LMNB1: variants seen among roughly 807,000 people sequenced by gnomAD.
The protein encoded by LMNB1 is lamin-B1.
Under a neutral mutation model 67.1 loss-of-function variants are expected in LMNB1, and 23 were observed. The observed-to-expected ratio is 0.34, with a 90% CI of 0.25 to 0.49. The LOEUF (loss-of-function observed/expected upper bound fraction) is 0.49, where lower values mean the gene tolerates loss of function less well. Ranked by LOEUF, LMNB1 falls within the 20% of genes least tolerant of loss-of-function variation. The pLI is 0.99. For missense variants in LMNB1, 634 were observed against 746.5 expected, an observed-to-expected ratio of 0.85 and a Z score of 1.76; for synonymous variants, 281 against 282.9, an observed-to-expected ratio of 0.99 and a Z score of 0.07.
At chr5:126,779,696 G>C (rs764324100) in intron 1 of LMNB1, among the ~76,000 whole-genome samples, 1 of 151,616 alleles carries the variant, frequency 6.6e-6, no homozygotes, top group African/African-American at 2.4e-5. Flanking sequence ...TCAGGAGTTC[G>C]AGACCAGCCT....
At chr5:126,811,975 C>T in intron 5 of LMNB1, 77 bp downstream of exon 5, 1 of 1,393,402 alleles carries the variant, frequency 7.2e-7, no homozygotes, top group Middle Eastern at 1.8e-4. Flanking sequence ...TTTGCTTGGG[C>T]TGATGTCACT....
At chr5:126,809,725 A>C (rs1345278248) in intron 3 of LMNB1, among the ~76,000 whole-genome samples, 1 of 151,042 alleles carries the variant, frequency 6.6e-6, no homozygotes, top group African/African-American at 2.4e-5. Context: ...GTTTCATTTC[A>C]CATAAATCTT....
chr5:126,811,998 T>C, intron 5 of LMNB1, 100 bp downstream of exon 5: 1 of 1,182,000 alleles, frequency 8.5e-7, no homozygotes, highest in Non-Finnish European at 1.2e-6. Flanking sequence ...TCCCTCTGTT[T>C]GTTACAGAGG....
At chr5:126,801,498 G>A (rs1751286002) in intron 1 of LMNB1, among the ~76,000 whole-genome samples, 1 of 152,028 alleles carries the variant, frequency 6.6e-6, no homozygotes, top group Admixed American at 6.6e-5. Context: ...TAGTCATCTG[G>A]ATGTACTGCC....
In LMNB1 at chr5:126,810,366, A is replaced by G; in HGVS notation, c.813+16A>G. On this transcript the variant is annotated intron_variant, in intron 4 of 10. Coordinates refer to ENST00000261366, the MANE Select transcript of LMNB1 (RefSeq NM_005573.4). ...CCATGCCAAAGTGAGCTCTCTTCAG[A>G]AGATTCTTTTGAACACTTAAAATCA... is the stretch of plus-strand genomic sequence containing the variant. 1 of 1,571,122 alleles carries G rather than the reference A, an allele frequency of 6.4e-7. No individual in the cohort carries two copies. Among genetic ancestry groups the G allele is most frequent in the Non-Finnish European group, 8.7e-7 (1 of 1,146,914 alleles).
chr5:126,818,808 T>TA, intron 5 of LMNB1, 114 bp from the exon 6 acceptor site: 1 of 750,342 alleles, frequency 1.3e-6, no homozygotes, highest in Non-Finnish European at 2.3e-6. Context: ...TCTAGTGAGT[T>TA]AGAGATTCCA....
chr5:126,791,786 C>G (rs1750964872), intron 1 of LMNB1, among the ~76,000 whole-genome samples: 1 of 148,260 alleles, frequency 6.7e-6, no homozygotes, highest in Non-Finnish European at 1.5e-5. Flanking sequence ...CCCTTGATGT[C>G]TCTTTTTTTG....
intron 1 of LMNB1, among the ~76,000 whole-genome samples, chr5:126,796,427 A>G (rs1046312219): frequency 9.9e-5 from 15 of 152,196 alleles, no homozygotes; most frequent in African/African-American, 3.4e-4. Context: ...ACTAAGTTCC[A>G]GAACCAAGTA....
chr5:126,805,587 C>T lies in LMNB1; in HGVS notation c.533C>T (p.Ala178Val), dbSNP rs998607426. Residue 178 changes from alanine to valine, a missense_variant, in exon 3 of 11, where the codon GCT becomes GTT. Transcript: ENST00000261366. ...DQIAQLEASL[A>V]AAKKQLADET... ...TTGTAATAGTTGGAAGCCTCCTTAGCTGCAGCCAAAAAACAGTTAGCAGAT... is the reference window on the plus strand; with the variant it reads ...TTGTAATAGTTGGAAGCCTCCTTAGTTGCAGCCAAAAAACAGTTAGCAGAT... 6 of 1,608,092 alleles carry T rather than the reference C, an allele frequency of 3.7e-6. No homozygotes were observed. The highest frequency in any genetic ancestry group is 5.1e-6 in the Non-Finnish European group (6 of 1,175,146).
chr5:126,777,911 G>A (rs1333261066), intron 1 of LMNB1, 44 bp downstream of exon 1: 3 of 1,379,868 alleles, frequency 2.2e-6, no homozygotes, highest in Admixed American at 3.3e-5. Flanking sequence ...GGAGGGGCGG[G>A]GGCGCAACCG....
chr5:126,835,806 G>A (rs966663000), intron 10 of LMNB1, among the ~76,000 whole-genome samples: 7 of 152,174 alleles, frequency 4.6e-5, no homozygotes, highest in African/African-American at 1.7e-4. Context: ...AAGGTTAGAG[G>A]CCAGATACGG....
At chr5:126,782,960 G>C (rs368285637) in intron 1 of LMNB1, among the ~76,000 whole-genome samples, 1 of 151,882 alleles carries the variant, frequency 6.6e-6, no homozygotes, top group African/African-American at 2.4e-5. Context: ...CTAGCACTTT[G>C]GGAGGCTGAG....
chr5:126,822,059 A>G (rs868071479), intron 7 of LMNB1, among the ~76,000 whole-genome samples: 2 of 145,616 alleles, frequency 1.4e-5, no homozygotes, highest in Admixed American at 1.4e-4. Flanking sequence ...GTCGGAGTGC[A>G]GTGGCATGAT....
At chr5:126,817,612 C>A (rs1234017430) in intron 5 of LMNB1, among the ~76,000 whole-genome samples, 1 of 152,112 alleles carries the variant, frequency 6.6e-6, no homozygotes, top group Non-Finnish European at 1.5e-5. Context: ...TCTTTTCTCT[C>A]TCAGAGTGAG....
intron 1 of LMNB1, among the ~76,000 whole-genome samples, chr5:126,778,752 G>T (rs1025226021): frequency 6.6e-6 from 1 of 152,116 alleles, no homozygotes; most frequent in Non-Finnish European, 1.5e-5. Context: ...TCAGGCTTTC[G>T]GGTAGAGACT....
chr5:126,776,683 G>A (rs144230825), upstream of LMNB1: 450 of 152,390 alleles, frequency 3.0e-3, 4 homozygotes, highest in African/African-American at 0.01. Context: ...TTTCGCGTGT[G>A]GCTTTTAGGG....
intron 1 of LMNB1, among the ~76,000 whole-genome samples, chr5:126,803,935 C>G (rs185420896): frequency 2.0e-5 from 3 of 152,094 alleles, no homozygotes; most frequent in Non-Finnish European, 4.4e-5. Context: ...TTTATTGTTA[C>G]CTCTATGTAA....
intron 1 of LMNB1, among the ~76,000 whole-genome samples, chr5:126,800,982 A>AAAATTTTTT (rs1332039988): frequency 1.6e-4 from 3 of 18,632 alleles, no homozygotes; most frequent in African/African-American, 5.1e-4. Context: ...TATATATATA[A>AAAATTTTTT]TTTTTTTTTT....
intron 1 of LMNB1, among the ~76,000 whole-genome samples, chr5:126,781,008 C>A (rs528821145): frequency 1.7e-4 from 25 of 151,434 alleles, no homozygotes; most frequent in African/African-American, 6.0e-4. Flanking sequence ...AAGACAGCTT[C>A]CTGGCCAGGC....
Sources: gnomAD v4.1 joint callset for allele counts (sites outside exome capture counted in the v4.1 genomes callset) on GRCh38, gnomAD v4.1.1 for gene constraint, MANE v1.5 for transcripts, NCBI Gene and HGNC (gene_info 2026-07-23, HGNC 2026-07-21) for gene names.